Variants in KCNN2 observed in about 807,000 individuals in gnomAD.
The protein encoded by KCNN2 is potassium calcium-activated channel subfamily N member 2.
In KCNN2, 24 loss-of-function variants were observed where a neutral mutation model predicts 55.5. The ratio of observed to expected loss-of-function variants is 0.43; its 90% CI spans 0.31 to 0.61. The LOEUF is 0.61. Ranked by LOEUF, KCNN2 falls within the 20% of genes least tolerant of loss-of-function variation. The pLI is 0.08. For synonymous variants in KCNN2, 431 were observed against 336.1 expected, an observed-to-expected ratio of 1.28 and a Z score of -3.09; for missense variants, 754 against 853.6, an observed-to-expected ratio of 0.88 and a Z score of 1.45.
Position 114,177,293 on chromosome 5 carries a change from G to A in KCNN2, c.-270-44187G>A, listed in dbSNP as rs563694070. Among the ~76,000 whole-genome samples, 502 of 151,902 alleles carry A rather than the reference G, an allele frequency of 3.3e-3. 1 individual carries two copies. Among genetic ancestry groups the A allele is most frequent in the African/African-American group, 8.9e-3 (370 of 41,468 alleles). ...GCTGGGACTACAGGAGCCCGCCACC[G>A]CGCCCGGCTAATGTTTTGTATTTTT... On this transcript the variant is annotated intron_variant, in intron 1 of 10. Transcript: ENST00000512097.
chr5:114,254,920 C>T (rs1754951657), intron 2 of KCNN2, among the ~76,000 whole-genome samples: 1 of 151,564 alleles, frequency 6.6e-6, no homozygotes, highest in African/African-American at 2.4e-5. Context: ...CTTGTATTTA[C>T]CAAAAAAACA....
At chr5:114,184,260 G>T (rs1753289067) in intron 1 of KCNN2, among the ~76,000 whole-genome samples, 1 of 152,176 alleles carries the variant, frequency 6.6e-6, no homozygotes, top group Non-Finnish European at 1.5e-5. Flanking sequence ...CTGCCCTACA[G>T]CACTGGAAAT....
At chr5:114,393,876 A>G (rs564555949) in intron 2 of KCNN2, among the ~76,000 whole-genome samples, 26 of 151,704 alleles carry the variant, frequency 1.7e-4, no homozygotes, top group African/African-American at 6.3e-4. Context: ...TATTCATTTT[A>G]TGGCCATTCA....
intron 3 of KCNN2, among the ~76,000 whole-genome samples, chr5:114,440,310 AC>A (rs1425611863): frequency 1.3e-5 from 2 of 152,200 alleles, no homozygotes; most frequent in Non-Finnish European, 2.9e-5. Flanking sequence ...CCTAACCTAG[AC>A]TTCTATGCCT....
intron 2 of KCNN2, among the ~76,000 whole-genome samples, chr5:114,286,615 T>G (rs926459245): frequency 5.3e-5 from 8 of 152,046 alleles, no homozygotes; most frequent in Admixed American, 3.9e-4. Context: ...ACCACAGCAG[T>G]GGCAAAGAGA....
chr5:114,456,895 T>C (rs1760950108), intron 3 of KCNN2, among the ~76,000 whole-genome samples: 2 of 152,234 alleles, frequency 1.3e-5, no homozygotes, highest in Admixed American at 1.3e-4. Flanking sequence ...ATGGGGCGTT[T>C]GCTTTGCTTC....
chr5:114,384,056 T>C (rs1758207609), intron 2 of KCNN2, among the ~76,000 whole-genome samples: 1 of 152,236 alleles, frequency 6.6e-6, no homozygotes. Context: ...AATTCAAATC[T>C]GTGACTTCAA....
At chr5:114,108,097 AT>A (rs10711433) in intron 1 of KCNN2, among the ~76,000 whole-genome samples, 32,401 of 151,454 alleles carry the variant, frequency 0.21, 3,985 homozygotes, top group African/African-American at 0.34. Context: ...TTCTATCTTT[AT>A]TTTCTTTTTT....
intron 2 of KCNN2, among the ~76,000 whole-genome samples, chr5:114,252,935 G>A (rs914446696): frequency 2.6e-5 from 4 of 152,054 alleles, no homozygotes; most frequent in African/African-American, 9.7e-5. Flanking sequence ...TCAACAAGCA[G>A]CTTTGCTGTC....
chr5:114,232,036 T>G (rs76341098), intron 2 of KCNN2, among the ~76,000 whole-genome samples: 2,270 of 151,190 alleles, frequency 0.015, 193 homozygotes, highest in African/African-American at 0.052. Flanking sequence ...TTTTAACTTT[T>G]GAGGCCAGTA....
intron 2 of KCNN2, among the ~76,000 whole-genome samples, chr5:114,274,296 C>T (rs988862424): frequency 2.6e-5 from 4 of 151,904 alleles, no homozygotes; most frequent in African/African-American, 9.7e-5. Flanking sequence ...GTTCTTCTTG[C>T]CCAGGATTGT....
chr5:114,324,898 A>G (rs1188575714), intron 2 of KCNN2, among the ~76,000 whole-genome samples: 1 of 152,248 alleles, frequency 6.6e-6, no homozygotes, highest in Non-Finnish European at 1.5e-5. Flanking sequence ...TAAGTGAAGT[A>G]CAGGGTAAAG....
At chr5:114,121,721 T>C (rs922244450) in intron 1 of KCNN2, among the ~76,000 whole-genome samples, 3 of 152,178 alleles carry the variant, frequency 2.0e-5, no homozygotes, top group African/African-American at 4.8e-5. Context: ...CCAGCTGATA[T>C]CCTCTCTTGC....
intron 2 of KCNN2, among the ~76,000 whole-genome samples, chr5:114,337,798 G>A (rs558676682): frequency 5.3e-5 from 8 of 152,194 alleles, no homozygotes; most frequent in Non-Finnish European, 8.8e-5. Context: ...GCATGAACTC[G>A]TAACTTCGGT....
chr5:114,404,286 A>G (rs1247012912), intron 2 of KCNN2, 152 bp from the exon 3 acceptor site: 2 of 622,652 alleles, frequency 3.2e-6, no homozygotes, highest in South Asian at 2.1e-5. Flanking sequence ...ACCCTTTACT[A>G]AAAATAGTAT....
intron 3 of KCNN2, among the ~76,000 whole-genome samples, chr5:114,449,086 G>C (rs1428100970): frequency 6.6e-6 from 1 of 152,142 alleles, no homozygotes; most frequent in African/African-American, 2.4e-5. Flanking sequence ...CAGAACGATC[G>C]TGAGCTTTCT....
At chr5:114,419,805 CAT>C (rs1759421056) in intron 3 of KCNN2, among the ~76,000 whole-genome samples, 1 of 152,134 alleles carries the variant, frequency 6.6e-6, no homozygotes, top group Admixed American at 6.5e-5. Flanking sequence ...GCCTGGGCAA[CAT>C]AGTGAGACTC....
intron 1 of KCNN2, among the ~76,000 whole-genome samples, chr5:114,120,523 T>C (rs1751805976): frequency 6.6e-6 from 1 of 152,306 alleles, no homozygotes; most frequent in South Asian, 2.1e-4. Context: ...GTTATGGGAA[T>C]TTGAGTCATT....
intron 2 of KCNN2, among the ~76,000 whole-genome samples, chr5:114,364,781 G>A (rs1228030585): frequency 1.3e-5 from 2 of 151,944 alleles, no homozygotes; most frequent in Non-Finnish European, 2.9e-5. Context: ...TAAGTATAGA[G>A]TTTTCAAAAA....
Sources: allele counts gnomAD v4.1 joint callset (sites outside exome capture counted in the v4.1 genomes callset), GRCh38; gene constraint gnomAD v4.1.1; transcripts MANE v1.5; gene names NCBI Gene and HGNC (gene_info 2026-07-23, HGNC 2026-07-21).